The following NPAS3 variants were observed in gnomAD, a reference collection of about 807,000 sequenced individuals.
The protein encoded by NPAS3 is neuronal PAS domain-containing protein 3.
Under a neutral mutation model 73.1 loss-of-function variants are expected in NPAS3, and 14 were observed. The observed-to-expected ratio is 0.19, with a 90% CI of 0.13 to 0.30. The LOEUF is 0.30. NPAS3 is among the 10% of genes least tolerant of loss of function. The pLI is 1.00. For synonymous variants in NPAS3, 620 were observed against 541.5 expected (o/e 1.14, Z -2.01); for missense variants, 1,096 against 1,250.0 (o/e 0.88, Z 1.86).
intron 5 of NPAS3, among the ~76,000 whole-genome samples, chr14:33,571,827 C>G (rs533710035): frequency 6.6e-6 from 1 of 152,106 alleles, no homozygotes; most frequent in Admixed American, 6.5e-5. Flanking sequence ...TTTGAGCACT[C>G]GAAATTGAAA....
At chr14:33,676,630 G>A (rs976786193) in intron 6 of NPAS3, among the ~76,000 whole-genome samples, 1 of 152,160 alleles carries the variant, frequency 6.6e-6, no homozygotes, top group Non-Finnish European at 1.5e-5. Context: ...AGTTCTTTTA[G>A]TTTCTCTTTC....
intron 6 of NPAS3, among the ~76,000 whole-genome samples, chr14:33,682,673 A>T (rs2140366214): frequency 6.6e-6 from 1 of 152,360 alleles, no homozygotes; most frequent in South Asian, 2.1e-4. Context: ...ACTGCCACAG[A>T]AGGGAAAAAT....
intron 6 of NPAS3, among the ~76,000 whole-genome samples, chr14:33,725,700 C>T (rs1192589048): frequency 6.6e-6 from 1 of 152,072 alleles, no homozygotes; most frequent in African/African-American, 2.4e-5. Flanking sequence ...AATCCCTCAC[C>T]CTGTTGCCTT....
At chr14:33,394,017 A>G (rs2047117698) in intron 4 of NPAS3, among the ~76,000 whole-genome samples, 1 of 152,346 alleles carries the variant, frequency 6.6e-6, no homozygotes, top group South Asian at 2.1e-4. Context: ...TATGCAGTCA[A>G]TAGCAAGGCT....
At chr14:33,528,684 A>G (rs1303079662) in intron 4 of NPAS3, among the ~76,000 whole-genome samples, 4 of 152,128 alleles carry the variant, frequency 2.6e-5, no homozygotes, top group Non-Finnish European at 5.9e-5. Context: ...TGGACCAGCA[A>G]GGGAGGTAGT....
intron 2 of NPAS3, among the ~76,000 whole-genome samples, chr14:33,209,054 C>G (rs972485420): frequency 6.6e-6 from 1 of 152,148 alleles, no homozygotes; most frequent in Non-Finnish European, 1.5e-5. Context: ...AGAGTTCTTA[C>G]CTTGAACTTG....
chr14:33,153,377 G>A (rs2044529409), intron 2 of NPAS3, among the ~76,000 whole-genome samples: 1 of 152,104 alleles, frequency 6.6e-6, no homozygotes, highest in Admixed American at 6.5e-5. Flanking sequence ...ACCATGTAGG[G>A]AACTCCAATG....
At chr14:33,358,364 G>A (rs2045436164) in intron 3 of NPAS3, among the ~76,000 whole-genome samples, 3 of 152,180 alleles carry the variant, frequency 2.0e-5, no homozygotes, top group Admixed American at 2.0e-4. Flanking sequence ...TGTAGGTGGG[G>A]TCCCAGTCCT....
At chr14:33,567,118 G>A (rs370470525) in intron 5 of NPAS3, among the ~76,000 whole-genome samples, 14 of 152,294 alleles carry the variant, frequency 9.2e-5, no homozygotes, top group South Asian at 8.3e-4. Flanking sequence ...ACAGCTTGTC[G>A]TTGATAATTA....
At chr14:32,940,023 C>T (rs2035921002) in intron 1 of NPAS3, among the ~76,000 whole-genome samples, 2 of 152,194 alleles carry the variant, frequency 1.3e-5, no homozygotes, top group Admixed American at 1.3e-4. Context: ...TCCCGCTCTG[C>T]CCTCCGCTCT....
rs138093930 is a variant in NPAS3 at position 33,741,568 on chromosome 14, A to C, written c.852+6236A>C. ...AATTGTCCATTACAACGTGGTTTCC[A>C]GTGTCATTTTAAATACAGCCGGCAT... On this transcript the variant is annotated intron_variant, in intron 7 of 11. Transcript: ENST00000356141. 1.1e-4 allele frequency among the ~76,000 whole-genome samples: 16 copies of C among 152,290 alleles called. 1 individual carries two copies. The East Asian group carries it at 3.1e-3, about 29-fold the overall frequency.
chr14:33,031,643 C>A (rs2039997696), intron 1 of NPAS3, among the ~76,000 whole-genome samples: 1 of 152,196 alleles, frequency 6.6e-6, no homozygotes, highest in Non-Finnish European at 1.5e-5. Context: ...CACGTGTGCA[C>A]CACACCTGGC....
At chr14:33,237,492 T>A (rs1435449759) in intron 3 of NPAS3, among the ~76,000 whole-genome samples, 1 of 152,060 alleles carries the variant, frequency 6.6e-6, no homozygotes, top group East Asian at 1.9e-4. Flanking sequence ...TCCCAGACCA[T>A]GTTGTAAGAA....
intron 4 of NPAS3, among the ~76,000 whole-genome samples, chr14:33,548,886 C>T (rs904380889): frequency 2.0e-4 from 31 of 152,164 alleles, no homozygotes; most frequent in African/African-American, 7.2e-4. Context: ...CACTCTGGAA[C>T]AGAGGGAAAG....
intron 4 of NPAS3, among the ~76,000 whole-genome samples, chr14:33,390,048 AAAG>A (rs994790640): frequency 6.6e-6 from 1 of 152,198 alleles, no homozygotes; most frequent in African/African-American, 2.4e-5. Flanking sequence ...GTGTTAAAAA[AAAG>A]AGAAATACAG....
intron 6 of NPAS3, among the ~76,000 whole-genome samples, chr14:33,720,525 T>C (rs989723067): frequency 6.6e-6 from 1 of 152,206 alleles, no homozygotes; most frequent in Non-Finnish European, 1.5e-5. Context: ...GGTTAGAAAG[T>C]AAATTACAGC....
At chr14:33,610,897 A>T (rs926643570) in intron 5 of NPAS3, 1 of 152,232 alleles carries the variant, frequency 6.6e-6, no homozygotes, top group Non-Finnish European at 1.5e-5. Flanking sequence ...CCGAGAATTT[A>T]AGGCAACAGA....
In NPAS3 at chr14:33,595,555, A is replaced by G. The variant is rs142547644; in HGVS notation, c.558+35345A>G. 2.9e-3 allele frequency among the ~76,000 whole-genome samples: 447 copies of G among 152,366 alleles called. 5 individuals carry two copies. Among genetic ancestry groups the G allele is most frequent in the African/African-American group, 1.0e-2 (415 of 41,586 alleles). On this transcript the variant is annotated intron_variant, in intron 5 of 11. Transcript: ENST00000356141. Reference sequence around the variant, plus strand: ...TAGAACATATGCATGTAAAATTTTTAAATTGTTTTATGATTTGATAATGAT... The same window carrying G: ...TAGAACATATGCATGTAAAATTTTTGAATTGTTTTATGATTTGATAATGAT...
At chr14:33,339,954 A>G (rs911392093) in intron 3 of NPAS3, among the ~76,000 whole-genome samples, 1 of 152,240 alleles carries the variant, frequency 6.6e-6, no homozygotes, top group African/African-American at 2.4e-5. Context: ...TGTAAAATTT[A>G]AAGTCATAAA....
Sources: gnomAD v4.1 joint callset for allele counts (sites outside exome capture counted in the v4.1 genomes callset) on GRCh38, gnomAD v4.1.1 for gene constraint, MANE v1.5 for transcripts, NCBI Gene and HGNC (gene_info 2026-07-23, HGNC 2026-07-21) for gene names.